Variants in ATP2B1 observed in about 807,000 individuals in gnomAD.
ATP2B1 encodes ATPase plasma membrane Ca2+ transporting 1, also known as plasma membrane calcium-transporting ATPase 1.
In ATP2B1, 14 loss-of-function variants were observed where a neutral mutation model predicts 124.2. That is an observed-to-expected ratio of 0.11 (90% confidence interval 0.07 to 0.18). The LOEUF is 0.18. Among genes scored for constraint, ATP2B1 ranks in the 10% least tolerant of loss-of-function variants. ATP2B1 has a pLI of 1.00. For missense variants in ATP2B1, 763 were observed against 1,466.1 expected (o/e 0.52, Z 7.83); for synonymous variants, 449 against 492.4 (o/e 0.91, Z 1.17).
At chr12:89,601,193 C>T (rs995846959) in intron 19 of ATP2B1, 133 bp downstream of exon 19, 2 of 626,416 alleles carry the variant, frequency 3.2e-6, no homozygotes, top group South Asian at 2.3e-5. Context: ...AAAAACTTAT[C>T]TTTGAATGCC....
At chr12:89,675,374 C>A (rs1052511507) in intron 1 of ATP2B1, among the ~76,000 whole-genome samples, 2 of 152,094 alleles carry the variant, frequency 1.3e-5, no homozygotes, top group Non-Finnish European at 2.9e-5. Flanking sequence ...CTTTCAGAAT[C>A]AAAATATTCA....
In ATP2B1 at chr12:89,611,184, A is replaced by G; in HGVS notation, c.2247+9T>C. On this transcript the variant is annotated intron_variant, in intron 13 of 20. Transcript: ENST00000428670. ...GTCAACCAAAAACAAAATAATAATAAATCTTTACCTCTCCTTTTTCATTTC... is the reference window on the plus strand; with the variant it reads ...GTCAACCAAAAACAAAATAATAATAGATCTTTACCTCTCCTTTTTCATTTC... 1 of 1,572,452 alleles carries G rather than the reference A, an allele frequency of 6.4e-7. No homozygotes were observed. Among genetic ancestry groups the G allele is most frequent in the Non-Finnish European group, 8.6e-7 (1 of 1,166,720 alleles).
chr12:89,636,615 C>A (rs1437916497), intron 3 of ATP2B1, among the ~76,000 whole-genome samples: 1 of 152,118 alleles, frequency 6.6e-6, no homozygotes, highest in Non-Finnish European at 1.5e-5. Flanking sequence ...CGTGTTCTAG[C>A]ATGGTGAGTA....
intron 1 of ATP2B1, among the ~76,000 whole-genome samples, chr12:89,665,229 A>G (rs939624227): frequency 1.3e-5 from 2 of 152,206 alleles, no homozygotes; most frequent in Non-Finnish European, 2.9e-5. Flanking sequence ...TTTAGTACCA[A>G]GTATACTAAT....
chr12:89,598,754 T>G (rs1418080424), intron 20 of ATP2B1: 1 of 1,613,650 alleles, frequency 6.2e-7, no homozygotes, highest in African/African-American at 1.3e-5. Flanking sequence ...CTGCAAGGAA[T>G]CAGAGATTGT....
chr12:89,630,856 C>G (rs1325769171), intron 5 of ATP2B1: 1 of 188,880 alleles, frequency 5.3e-6, no homozygotes, highest in African/African-American at 2.4e-5. Flanking sequence ...ACATGGCTTA[C>G]TACAGCCTGG....
At chr12:89,707,467 CTA>C (rs753036530) in intron 1 of ATP2B1, among the ~76,000 whole-genome samples, 13 of 152,124 alleles carry the variant, frequency 8.5e-5, no homozygotes, top group Non-Finnish European at 1.6e-4. Flanking sequence ...TGAAAAAAAT[CTA>C]TGTAGCTAAT....
rs1890631747 is a variant in ATP2B1 at position 89,692,215 on chromosome 12, T to G, written c.-222+16381A>C. On this transcript the variant is annotated intron_variant, in intron 1 of 20. Coordinates refer to ENST00000428670, the MANE Select transcript of ATP2B1 (RefSeq NM_001366521.1). ...CAACATGCTACCATGATGTTATTCT[T>G]AATCAATGGCCAAAATGATTTAGTT... is the stretch of plus-strand genomic sequence containing the variant. Among the ~76,000 whole-genome samples, 3 of 152,284 alleles carry G rather than the reference T, an allele frequency of 2.0e-5. No homozygotes were observed. In the South Asian group the frequency reaches 6.2e-4, roughly 32 times the overall value.
chr12:89,610,817 T>A (rs1019221327), intron 13 of ATP2B1: 3 of 346,326 alleles, frequency 8.7e-6, no homozygotes, highest in African/African-American at 4.3e-5. Context: ...CTACTGCCTA[T>A]GAAAATAGAA....
chr12:89,666,885 C>T (rs1357277810), intron 1 of ATP2B1, among the ~76,000 whole-genome samples: 1 of 152,150 alleles, frequency 6.6e-6, no homozygotes, highest in Admixed American at 6.5e-5. Flanking sequence ...CCACTTCCAT[C>T]CCCTTTCTCT....
chr12:89,613,003 T>C (rs1878307571), intron 12 of ATP2B1, among the ~76,000 whole-genome samples: 1 of 152,056 alleles, frequency 6.6e-6, no homozygotes, highest in African/African-American at 2.4e-5. Flanking sequence ...TTTTTTAAGA[T>C]GGGTCTCACT....
chr12:89,614,211 CA>C (rs1878550319), intron 12 of ATP2B1, among the ~76,000 whole-genome samples: 1 of 152,144 alleles, frequency 6.6e-6, no homozygotes, highest in Admixed American at 6.6e-5. Flanking sequence ...CCTGTAATTA[CA>C]GCTATTCAGG....
At chr12:89,675,622 T>A (rs73437353) in intron 1 of ATP2B1, among the ~76,000 whole-genome samples, 1 of 152,192 alleles carries the variant, frequency 6.6e-6, no homozygotes, top group Non-Finnish European at 1.5e-5. Flanking sequence ...CCTCTCCATA[T>A]ATATTGCTGT....
At chr12:89,626,968 T>G (rs75447741) in intron 7 of ATP2B1, among the ~76,000 whole-genome samples, 2 of 152,206 alleles carry the variant, frequency 1.3e-5, no homozygotes, top group Non-Finnish European at 2.9e-5. Flanking sequence ...GTAGAGATTA[T>G]GTATAACCAT....
Position 89,655,850 on chromosome 12 carries a change from C to A in ATP2B1, c.37G>T (p.Gly13Cys). 1 of 1,610,888 alleles carries A rather than the reference C, an allele frequency of 6.2e-7. No individual in the cohort carries two copies. The highest frequency in any genetic ancestry group is 8.5e-7 in the Non-Finnish European group (1 of 1,177,630). ...DMANNSVAYS[G>C]VKNSLKEANH... ...GCTTCCTTCAAAGAGTTTTTCACAC[C>A]ACTGTAAGCAACTGAGTTGTTTGCC... Residue 13 changes from glycine to cysteine, a missense_variant, in exon 2 of 21, where the codon GGT becomes TGT. By Grantham distance (159) the Gly-to-Cys change is radical. Coordinates refer to ENST00000428670, the MANE Select transcript of ATP2B1 (RefSeq NM_001366521.1).
intron 20 of ATP2B1, chr12:89,594,313 A>G (rs1210678822): frequency 1.3e-5 from 2 of 152,032 alleles, no homozygotes; most frequent in Non-Finnish European, 2.9e-5. Flanking sequence ...ACAGTACAGT[A>G]ACTGTGAGGA....
chr12:89,676,091 A>G (rs1888572959), intron 1 of ATP2B1, among the ~76,000 whole-genome samples: 1 of 152,094 alleles, frequency 6.6e-6, no homozygotes, highest in Admixed American at 6.6e-5. Flanking sequence ...GAGGTTAGGG[A>G]AAGAAGTGCA....
chr12:89,663,883 A>AATGT (rs1886989819), intron 1 of ATP2B1, among the ~76,000 whole-genome samples: 2 of 5,772 alleles, frequency 3.5e-4, no homozygotes, highest in East Asian at 0.02. Flanking sequence ...TTCACTTTCC[A>AATGT]CTGTCCTTTT....
In ATP2B1 at chr12:89,622,174, G is replaced by GT. The variant is rs551890094; in HGVS notation, c.1345-384dup. 9.2e-5 allele frequency among the ~76,000 whole-genome samples: 14 copies of GT among 152,148 alleles called. No homozygotes were observed. The South Asian group carries it at 2.7e-3, about 29-fold the overall frequency. On this transcript the variant is annotated intron_variant, in intron 9 of 20. Transcript: ENST00000428670. Reference sequence around the variant, plus strand: ...TAAGTACAGTGGTACTTATAGTAGTGTAAGAGTATATTAAAGGATTAAGCC... The same window carrying GT: ...TAAGTACAGTGGTACTTATAGTAGTGTTAAGAGTATATTAAAGGATTAAGCC...
Sources: allele counts gnomAD v4.1 joint callset (sites outside exome capture counted in the v4.1 genomes callset), GRCh38; gene constraint gnomAD v4.1.1; transcripts MANE v1.5; gene names NCBI Gene and HGNC (gene_info 2026-07-23, HGNC 2026-07-21).